PHACTR2: variants seen among roughly 807,000 people sequenced by gnomAD.
PHACTR2 encodes the protein phosphatase and actin regulator 2.
PHACTR2 carries 30 observed loss-of-function variants against 76.0 expected under a neutral mutation model. The ratio of observed to expected loss-of-function variants is 0.39; its 90% CI spans 0.30 to 0.54. The LOEUF is 0.54. Ranked by LOEUF, PHACTR2 falls within the 20% of genes least tolerant of loss-of-function variation. The probability of loss-of-function intolerance (pLI) is 0.61; values close to 1 mark genes in which losing one functional copy is unlikely to be tolerated. For synonymous variants in PHACTR2, 292 were observed against 292.5 expected (o/e 1.00, Z 0.02); for missense variants, 696 against 781.1 (o/e 0.89, Z 1.30).
At chr6:143,691,107 A>T (rs1447037932) in intron 1 of PHACTR2, among the ~76,000 whole-genome samples, 1 of 152,226 alleles carries the variant, frequency 6.6e-6, no homozygotes, top group Non-Finnish European at 1.5e-5. Context: ...TGTGTTCTCA[A>T]CAAACATTCC....
chr6:143,565,361 G>A (rs1049811406), intron 1 of PHACTR2, among the ~76,000 whole-genome samples: 1 of 152,192 alleles, frequency 6.6e-6, no homozygotes, highest in Non-Finnish European at 1.5e-5. Context: ...GCTCACGCCT[G>A]TAATCCCGGC....
In PHACTR2 at chr6:143,815,106, A is replaced by G. The variant is rs73591013; in HGVS notation, c.1922+7973A>G. Among the ~76,000 whole-genome samples, 781 of 152,312 alleles carry G rather than the reference A, an allele frequency of 5.1e-3. 8 individuals are homozygous for G. Among genetic ancestry groups the G allele is most frequent in the African/African-American group, 0.018 (759 of 41,564 alleles). ...CGAGGAATGGAAAGGCTGCTTTTGT[A>G]GTGGCACTGCCTTTCATGGATACTC... On this transcript the variant is annotated intron_variant, in intron 12 of 12. Coordinates refer to ENST00000440869, the MANE Select transcript of PHACTR2 (RefSeq NM_001100164.2).
At chr6:143,762,870 A>G (rs563649973) in intron 5 of PHACTR2, among the ~76,000 whole-genome samples, 2 of 152,124 alleles carry the variant, frequency 1.3e-5, no homozygotes, top group African/African-American at 4.8e-5. Flanking sequence ...AACTGAGGAG[A>G]GGCGACATTT....
chr6:143,693,090 A>T (rs1562272062), intron 1 of PHACTR2, among the ~76,000 whole-genome samples: 1 of 152,144 alleles, frequency 6.6e-6, no homozygotes, highest in Non-Finnish European at 1.5e-5. Context: ...GGGCCCACCC[A>T]TATGACCTCA....
At chr6:143,568,356 T>G (rs1174059875) in intron 1 of PHACTR2, among the ~76,000 whole-genome samples, 1 of 152,140 alleles carries the variant, frequency 6.6e-6, no homozygotes, top group African/African-American at 2.4e-5. Context: ...AAATTAATAT[T>G]CAAAAATAAG....
In PHACTR2 at chr6:143,633,670, T is replaced by G. The variant is rs1776402173; in HGVS notation, c.13+25348T>G. The stretch of plus-strand genomic sequence containing the variant: ...AATGAAGTCAAGCATATTAATTATT[T>G]ATTTCATGGATCATGCCTTTGGTGT... On this transcript the variant is annotated intron_variant, in intron 1 of 11. Transcript: ENST00000305766. This position sits in a 1 kb window ranked among gnomAD's most constrained non-coding sequence, Gnocchi z 4.1. 6.6e-6 allele frequency among the ~76,000 whole-genome samples: 1 copy of G among 152,216 alleles called. No individual in the cohort carries two copies. Among genetic ancestry groups the G allele is most frequent in the African/African-American group, 2.4e-5 (1 of 41,444 alleles).
At chr6:143,727,281 G>C (rs1042206312) in intron 2 of PHACTR2, among the ~76,000 whole-genome samples, 1 of 148,766 alleles carries the variant, frequency 6.7e-6, no homozygotes, top group Non-Finnish European at 1.5e-5. Flanking sequence ...CAAATGACAG[G>C]ATTTTATTCT....
rs770292754 is a variant in PHACTR2, at chr6:143,711,822, TG to T, written c.47-191del. On this transcript the variant is annotated intron_variant, in intron 1 of 12. Transcript: ENST00000440869. Reference sequence around the variant, plus strand: ...TGTTTCCCCAGAATGATTTTCTAAGTGGGCTGTAATTTCTGATTGACTGATT... The same window carrying T: ...TGTTTCCCCAGAATGATTTTCTAAGTGGCTGTAATTTCTGATTGACTGATT... The T allele has an allele frequency of 4.0e-6, 3 of 745,570 alleles. No individual in the cohort carries two copies. In the African/African-American group the frequency reaches 5.1e-5, roughly 13 times the overall value. 46.2% of individuals were successfully genotyped at this position (745,570 alleles called of 1,614,324 possible).
chr6:143,824,359 T>C lies in PHACTR2; in HGVS notation c.*670T>C, dbSNP rs908382372. On this transcript the variant is annotated 3_prime_UTR_variant, in exon 13 of 13. Coordinates refer to ENST00000440869, the MANE Select transcript of PHACTR2 (RefSeq NM_001100164.2). This position sits in a 1 kb window ranked among gnomAD's most constrained non-coding sequence, Gnocchi z 6.3. ...TGTTTTCATGCATCTTTTTCTTAAA[T>C]GCAAGAGCTTCTACTGACTCTTAAC... The C allele has an allele frequency of 2.0e-5, 3 of 152,658 alleles. No homozygotes were observed. The highest frequency in any genetic ancestry group is 4.4e-5 in the Non-Finnish European group (3 of 68,052). 9.5% of individuals were successfully genotyped at this position (152,658 alleles called of 1,614,324 possible). A position where few individuals can be genotyped will look rare whatever the true frequency, so the allele number is the denominator to read the frequency against.
Position 143,772,575 on chromosome 6 carries a change from C to T in PHACTR2, c.1432+118C>T. On this transcript the variant is annotated intron_variant, in intron 7 of 12. Transcript: ENST00000440869. The surrounding 1 kb of genome is among the most constrained non-coding windows in gnomAD (Gnocchi z 5.4). ...CATCTGATGTTTTCTTTCCCCTCAT[C>T]CTCCTTTCTCAAATTAGAAATGTGT... The T allele has an allele frequency of 1.4e-6, 1 of 722,236 alleles. No individual in the cohort carries two copies. The highest frequency in any genetic ancestry group is 2.3e-6 in the Non-Finnish European group (1 of 429,182). The allele number at this position is 722,236 out of a possible 1,614,324, so 44.7% of individuals were successfully genotyped here. A position where few individuals can be genotyped will look rare whatever the true frequency, so the allele number is the denominator to read the frequency against.
In PHACTR2 at chr6:143,811,573, T is replaced by C; in HGVS notation, c.1922+4440T>C. ...AAAACATAAATTGATTAACACTCTT[T>C]AATACCTTTCCAGATAAGGAAAAAT... On this transcript the variant is annotated intron_variant, in intron 12 of 12. Coordinates refer to ENST00000440869, the MANE Select transcript of PHACTR2 (RefSeq NM_001100164.2). The surrounding 1 kb of genome is among the most constrained non-coding windows in gnomAD (Gnocchi z 4.1). 6.6e-6 allele frequency among the ~76,000 whole-genome samples: 1 copy of C among 152,216 alleles called. No homozygotes were observed. The highest frequency in any genetic ancestry group is 6.5e-5 in the Admixed American group (1 of 15,278).
chr6:143,615,720 A>G lies in PHACTR2; in HGVS notation c.13+7398A>G, dbSNP rs559711720. Reference sequence around the variant, plus strand: ...GCCTTTCCCATATGTTTTTAATGATATTTAAATGAAATGCAGACACACCTT... The same window carrying G: ...GCCTTTCCCATATGTTTTTAATGATGTTTAAATGAAATGCAGACACACCTT... On this transcript the variant is annotated intron_variant, in intron 1 of 11. Coordinates refer to the PHACTR2 transcript ENST00000305766. Among the ~76,000 whole-genome samples the G allele has an allele frequency of 2.5e-3, 380 of 152,318 alleles. 4 individuals carry two copies. Among genetic ancestry groups the G allele is most frequent in the Non-Finnish European group, 4.6e-3 (316 of 68,018 alleles).
At position 143,580,279 on chromosome 6, in the gene PHACTR2, A is replaced by T. The variant is rs994040055; in HGVS notation, c.217+43072A>T. Reference sequence around the variant, plus strand: ...GGCAGGCAGATCACGAGGTCAGGAAATCGAGACCATCTTGGCCAACACGGT... The same window carrying T: ...GGCAGGCAGATCACGAGGTCAGGAATTCGAGACCATCTTGGCCAACACGGT... On this transcript the variant is annotated intron_variant, in intron 1 of 11. Coordinates refer to the PHACTR2 transcript ENST00000367584. The surrounding 1 kb of genome is among the most constrained non-coding windows in gnomAD (Gnocchi z 4.2). Among the ~76,000 whole-genome samples, 12 of 152,132 alleles carry T rather than the reference A, an allele frequency of 7.9e-5. No individual in the cohort carries two copies. Among genetic ancestry groups the T allele is most frequent in the South Asian group, 4.1e-4 (2 of 4,828 alleles).
chr6:143,575,049 T>G (rs1161439691), intron 1 of PHACTR2, among the ~76,000 whole-genome samples: 1 of 152,244 alleles, frequency 6.6e-6, no homozygotes, highest in Non-Finnish European at 1.5e-5. Context: ...ATAATCCATT[T>G]GGAACATAAT....
At position 143,621,355 on chromosome 6, in the gene PHACTR2, C is replaced by G. The variant is rs1776149606; in HGVS notation, c.13+13033C>G. Among the ~76,000 whole-genome samples the G allele has an allele frequency of 6.6e-6, 1 of 152,170 alleles. No homozygotes were observed. The highest frequency in any genetic ancestry group is 2.1e-4 in the South Asian group (1 of 4,826). ...AATGAGTTCCTGTGGATCCCGAGCC[C>G]TCTCAGGCCTCCTCGGTGCAGAAGG... On this transcript the variant is annotated intron_variant, in intron 1 of 11. Transcript: ENST00000305766. This position sits in a 1 kb window ranked among gnomAD's most constrained non-coding sequence, Gnocchi z 4.1.
rs1369551736 is a variant in PHACTR2, at chr6:143,809,881, G to A, written c.1922+2748G>A. Among the ~76,000 whole-genome samples the A allele has an allele frequency of 3.9e-5, 6 of 152,158 alleles. No homozygotes were observed. Among genetic ancestry groups the A allele is most frequent in the African/African-American group, 1.4e-4 (6 of 41,432 alleles). On this transcript the variant is annotated intron_variant, in intron 12 of 12. Transcript: ENST00000440869. This position sits in a 1 kb window ranked among gnomAD's most constrained non-coding sequence, Gnocchi z 4.2. ...AATCCCGGCACTTGGGGAGGCCGAG[G>A]TGGGCAGATCTTTTGAGCTCAGGAG...
chr6:143,640,145 G>T (rs760992519), intron 1 of PHACTR2, among the ~76,000 whole-genome samples: 1 of 152,212 alleles, frequency 6.6e-6, no homozygotes, highest in Non-Finnish European at 1.5e-5. Context: ...CTACTGCACT[G>T]CCAGTTGTAT....
rs1008409532 is a variant in PHACTR2 at position 143,647,804 on chromosome 6, A to G, written c.13+39482A>G. Among the ~76,000 whole-genome samples, 1 of 152,218 alleles carries G rather than the reference A, an allele frequency of 6.6e-6. No homozygotes were observed. Among genetic ancestry groups the G allele is most frequent in the South Asian group, 2.1e-4 (1 of 4,830 alleles). On this transcript the variant is annotated intron_variant, in intron 1 of 11. Coordinates refer to the PHACTR2 transcript ENST00000305766. The surrounding 1 kb of genome is among the most constrained non-coding windows in gnomAD (Gnocchi z 4.2). ...GCTTGTGTCTGAGAACCACAAAAAA[A>G]GCCAGTGTGGCTGGAAAGGGCAGGT...
rs2128457060 is a variant in PHACTR2 at position 143,695,238 on chromosome 6, A to G, written c.47-16778A>G. ...GAATCCAGATTATGATGGATTGGGC[A>G]TGGGGATCAGGGCATGCAGAAGCTC... On this transcript the variant is annotated intron_variant, in intron 1 of 12. Transcript: ENST00000440869. The surrounding 1 kb of genome is among the most constrained non-coding windows in gnomAD (Gnocchi z 4.4). Among the ~76,000 whole-genome samples, 1 of 152,330 alleles carries G rather than the reference A, an allele frequency of 6.6e-6. No individual in the cohort carries two copies.
Sources: gnomAD v4.1 joint callset for allele counts (sites outside exome capture counted in the v4.1 genomes callset) on GRCh38, gnomAD v4.1.1 for gene constraint, Gnocchi (gnomAD v3.1) non-coding constraint, MANE v1.5 for transcripts, NCBI Gene and HGNC (gene_info 2026-07-23, HGNC 2026-07-21) for gene names.